STK10: variants seen among roughly 807,000 people sequenced by gnomAD.
STK10 encodes serine/threonine-protein kinase 10.
Under a neutral mutation model 113.8 loss-of-function variants are expected in STK10, and 78 were observed. That is an observed-to-expected ratio of 0.69 (90% confidence interval 0.57 to 0.83). STK10 has a LOEUF of 0.83. Among genes scored for constraint, STK10 ranks in the 40% least tolerant of loss-of-function variants. The pLI, the probability that STK10 is intolerant of heterozygous loss-of-function variation, is 0.00. For synonymous variants in STK10, 465 were observed against 494.7 expected (o/e 0.94, Z 0.80); for missense variants, 1,109 against 1,280.1 (o/e 0.87, Z 2.04).
intron 7 of STK10, among the ~76,000 whole-genome samples, chr5:172,105,287 A>G (rs949940248): frequency 7.9e-5 from 12 of 151,306 alleles, no homozygotes; most frequent in African/African-American, 2.9e-4. Flanking sequence ...ACATCTGCTC[A>G]CCCAGAGAAC....
chr5:172,156,557 G>GACCAGGCTAGCTCCAGAGC, intron 2 of STK10, 67 bp downstream of exon 2: 1 of 1,541,412 alleles, frequency 6.5e-7, no homozygotes, highest in Non-Finnish European at 8.8e-7. Flanking sequence ...AAGACTTCAG[G>GACCAGGCTAGCTCCAGAGC]ACCAGGCTAG....
At position 172,096,455 on chromosome 5, in the gene STK10, C is replaced by T; in HGVS notation, c.976G>A (p.Glu326Lys). The T allele has an allele frequency of 6.2e-7, 1 of 1,613,292 alleles. No individual in the cohort carries two copies. The highest frequency in any genetic ancestry group is 8.5e-7 in the Non-Finnish European group (1 of 1,179,970). ...GCGGCATCCACGGCGTCCTCCTCTT[C>T]CCCCTCATCCCGGCCGTCTTCGATC... is the stretch of plus-strand genomic sequence containing the variant. ...EEIEDGRDEGEEEDAVDAAST... is the reference protein window; with the variant it reads ...EEIEDGRDEGKEEDAVDAAST... Residue 326 changes from glutamate to lysine, a missense_variant, in exon 8 of 19, where the codon GAA (glutamate) becomes AAA (lysine). Glu to Lys is a moderately conservative substitution (Grantham distance 56). Around this residue, in one of 5 missense-constraint regions of STK10, gnomAD observed 885 missense variants for 991.1 expected, o/e 0.89. Transcript: ENST00000176763.
At chr5:172,096,619 A>T in intron 7 of STK10, 59 bp from the exon 8 acceptor site, 1 of 1,592,134 alleles carries the variant, frequency 6.3e-7, no homozygotes, top group Non-Finnish European at 8.6e-7. Context: ...GGGGTGGAAG[A>T]GGCTGGGGGA....
chr5:172,081,499 G>A (rs1768428464), intron 12 of STK10, among the ~76,000 whole-genome samples: 2 of 152,280 alleles, frequency 1.3e-5, no homozygotes, highest in East Asian at 3.9e-4. Context: ...CTTTATTGCG[G>A]TGGTATGGAA....
intron 17 of STK10, chr5:172,053,287 G>A: frequency 2.3e-6 from 1 of 429,262 alleles, no homozygotes. Flanking sequence ...TAGTAAATTT[G>A]CAACTTTCTG....
At position 172,174,179 on chromosome 5, in the gene STK10, A is replaced by AT. The variant is rs901122775; in HGVS notation, c.156+13707dup. On this transcript the variant is annotated intron_variant, in intron 1 of 18. Coordinates refer to ENST00000176763, the MANE Select transcript of STK10 (RefSeq NM_005990.4). ...TATTTTTTGTTGTTGTTGTTGTTTA[A>AT]TTTTTTTTTGAGACGGCGTTTCACT... 1.4e-4 allele frequency among the ~76,000 whole-genome samples: 21 copies of AT among 149,770 alleles called. No homozygotes were observed. The South Asian group carries it at 3.4e-3, about 24-fold the overall frequency.
intron 1 of STK10, among the ~76,000 whole-genome samples, chr5:172,159,070 G>C (rs964329962): frequency 3.3e-5 from 5 of 152,306 alleles, no homozygotes; most frequent in Middle Eastern, 3.4e-3. Context: ...ATTCAAAAGA[G>C]AGAGAAATAA....
chr5:172,087,086 C>G (rs1396960909), intron 10 of STK10, among the ~76,000 whole-genome samples: 1 of 144,878 alleles, frequency 6.9e-6, no homozygotes, highest in Non-Finnish European at 1.5e-5. Context: ...CCCTAGCCTC[C>G]CGACCCACAC....
intron 2 of STK10, among the ~76,000 whole-genome samples, chr5:172,130,537 A>C (rs1411796101): frequency 6.6e-6 from 1 of 151,966 alleles, no homozygotes; most frequent in Non-Finnish European, 1.5e-5. Context: ...TCTCCAAAAA[A>C]AAAAAAAACC....
intron 2 of STK10, among the ~76,000 whole-genome samples, chr5:172,149,363 T>TC (rs1770156953): frequency 6.6e-6 from 1 of 152,094 alleles, no homozygotes; most frequent in South Asian, 2.1e-4. Flanking sequence ...GCCAGCCTCC[T>TC]CCCCCACTTT....
intron 2 of STK10, among the ~76,000 whole-genome samples, chr5:172,149,835 C>A (rs781321686): frequency 4.6e-5 from 7 of 151,778 alleles, no homozygotes; most frequent in Non-Finnish European, 1.0e-4. Flanking sequence ...CACCTGAGGT[C>A]AGAAGTTCAA....
chr5:172,152,375 A>AT (rs1222049123), intron 2 of STK10, among the ~76,000 whole-genome samples: 1 of 152,166 alleles, frequency 6.6e-6, no homozygotes, highest in Non-Finnish European at 1.5e-5. Context: ...TGGAAAAGAG[A>AT]TCCCCCGGCC....
intron 3 of STK10, among the ~76,000 whole-genome samples, chr5:172,121,160 C>G (rs1399441956): frequency 6.6e-6 from 1 of 151,738 alleles, no homozygotes; most frequent in Non-Finnish European, 1.5e-5. Context: ...TCCCGAGTAG[C>G]TGGGATGACA....
At position 172,122,912 on chromosome 5, in the gene STK10, C is replaced by T. The variant is rs545926062; in HGVS notation, c.370+4461G>A. Among the ~76,000 whole-genome samples the T allele has an allele frequency of 5.3e-5, 8 of 152,254 alleles. No individual in the cohort carries two copies. The East Asian group carries it at 7.7e-4, about 15-fold the overall frequency. ...TGCTGGGATTACAGGCGTGAGCCAC[C>T]GCGCCCGGCCAAGACCCAAGATGTT... On this transcript the variant is annotated intron_variant, in intron 3 of 18. Coordinates refer to ENST00000176763, the MANE Select transcript of STK10 (RefSeq NM_005990.4).
At position 172,043,809 on chromosome 5, in the gene STK10, TC is replaced by T. The variant is rs1007254241; in HGVS notation, c.*1072del. ...GATGCTTTTTCTTCCTGAAGAGAAG[TC>T]CAACAGACTGCCAGCCCAGGTCTGA... On this transcript the variant is annotated 3_prime_UTR_variant, in exon 19 of 19. Coordinates refer to ENST00000176763, the MANE Select transcript of STK10 (RefSeq NM_005990.4). 2 of 152,104 alleles carry T rather than the reference TC, an allele frequency of 1.3e-5. No individual in the cohort carries two copies. The highest frequency in any genetic ancestry group is 4.8e-5 in the African/African-American group (2 of 41,384). The allele number at this position is 152,104 out of a possible 1,614,324, so 9.4% of individuals were successfully genotyped here.
chr5:172,096,446 C>T lies in STK10; in HGVS notation c.985G>A (p.Asp329Asn), dbSNP rs1768856426. The change falls in exon 8 of 19, where the codon GAC (aspartate) becomes AAC (asparagine). Residue 329 changes from aspartate to asparagine, a missense_variant. Physicochemically the swap from Asp to Asn is conservative, Grantham distance 23 (BLOSUM62 1). Around this residue, in one of 5 missense-constraint regions of STK10, gnomAD observed 885 missense variants for 991.1 expected, o/e 0.89. Coordinates refer to ENST00000176763, the MANE Select transcript of STK10 (RefSeq NM_005990.4). ...EDGRDEGEEEDAVDAASTLEN... is the reference protein window; with the variant it reads ...EDGRDEGEEENAVDAASTLEN... ...CTTACGGAGGCGGCATCCACGGCGT[C>T]CTCCTCTTCCCCCTCATCCCGGCCG... 1 of 1,613,136 alleles carries T rather than the reference C, an allele frequency of 6.2e-7. No individual in the cohort carries two copies. The highest frequency in any genetic ancestry group is 8.5e-7 in the Non-Finnish European group (1 of 1,179,988).
chr5:172,187,848 C>T lies in STK10; in HGVS notation c.156+39G>A. The T allele has an allele frequency of 1.2e-6, 2 of 1,604,636 alleles. No homozygotes were observed. The highest frequency in any genetic ancestry group is 1.1e-5 in the South Asian group (1 of 89,668). On this transcript the variant is annotated intron_variant, in intron 1 of 18. Transcript: ENST00000176763. This position sits in a 1 kb window ranked among gnomAD's most constrained non-coding sequence, Gnocchi z 4.6. ...TCAGGCATCCCTTCCTTCCGGAGCC[C>T]CTCGACGCGCGTCCGGCCACCCACC...
chr5:172,110,433 G>C (rs994958193), intron 4 of STK10, among the ~76,000 whole-genome samples: 2 of 152,206 alleles, frequency 1.3e-5, no homozygotes, highest in East Asian at 1.9e-4. Context: ...GGTGGCGACA[G>C]GCACCTGGCA....
At position 172,117,461 on chromosome 5, in the gene STK10, T is replaced by A; in HGVS notation, c.520+20A>T. The A allele has an allele frequency of 6.2e-7, 1 of 1,606,900 alleles. No individual in the cohort carries two copies. The highest frequency in any genetic ancestry group is 8.5e-7 in the Non-Finnish European group (1 of 1,179,628). On this transcript the variant is annotated intron_variant, in intron 4 of 18. Transcript: ENST00000176763. ...GGCAGACACCCTGTGGCTCCACCTT[T>A]CCCACCCTGAGCCCCTTACCCAGCC...
Sources: gnomAD v4.1 joint callset for allele counts (sites outside exome capture counted in the v4.1 genomes callset) on GRCh38, gnomAD v4.1.1 for gene constraint, gnomAD v4.1.1 regional missense constraint, Gnocchi (gnomAD v3.1) non-coding constraint, MANE v1.5 for transcripts, NCBI Gene and HGNC (gene_info 2026-07-23, HGNC 2026-07-21) for gene names.